Variants in SLC5A4 observed in about 807,000 individuals in gnomAD.
SLC5A4 encodes the protein solute carrier family 5 member 4.
A neutral mutation model predicts 70.3 loss-of-function variants in SLC5A4; 55 were observed. The observed-to-expected ratio is 0.78, with a 90% CI of 0.63 to 0.98. The LOEUF is 0.98. Among genes scored for constraint, SLC5A4 ranks in the 50% least tolerant of loss-of-function variants. The pLI is 0.00. For missense variants in SLC5A4, 735 were observed against 839.2 expected, an observed-to-expected ratio of 0.88 and a Z score of 1.53; for synonymous variants, 268 against 305.7, an observed-to-expected ratio of 0.88 and a Z score of 1.29.
chr22:32,223,989 T>C lies in SLC5A4; in HGVS notation c.1665+278A>G, dbSNP rs564588691. 6.6e-5 allele frequency among the ~76,000 whole-genome samples: 10 copies of C among 152,184 alleles called. No individual in the cohort carries two copies. The South Asian group carries it at 1.0e-3, about 16-fold the overall frequency. On this transcript the variant is annotated intron_variant, in intron 13 of 14. Transcript: ENST00000266086. Reference sequence around the variant, plus strand: ...AGGTTGGAGTGCAGTGGCCCGATCTTGGCTCACTGCAAGCTCCGCCTCCCA... The same window carrying C: ...AGGTTGGAGTGCAGTGGCCCGATCTCGGCTCACTGCAAGCTCCGCCTCCCA...
chr22:32,347,098 G>GA, the SLC5A4 span, among the ~76,000 whole-genome samples: 1 of 152,148 alleles, frequency 6.6e-6, no homozygotes, highest in South Asian at 2.1e-4. Flanking sequence ...AAAGACACAT[G>GA]AAAAAATGCT....
the SLC5A4 span, among the ~76,000 whole-genome samples, chr22:32,277,916 T>C: frequency 4.6e-5 from 7 of 152,314 alleles, no homozygotes; most frequent in Middle Eastern, 3.4e-3. Context: ...ATCTTAAAAT[T>C]GAATTAGGCA....
intron 11 of SLC5A4, among the ~76,000 whole-genome samples, chr22:32,228,180 G>A (rs945780690): frequency 6.6e-6 from 1 of 152,130 alleles, no homozygotes; most frequent in African/African-American, 2.4e-5. Flanking sequence ...TCTCTGAGCT[G>A]TGCATCCATG....
At position 32,230,994 on chromosome 22, in the gene SLC5A4, G is replaced by A. The variant is rs150200210; in HGVS notation, c.1103C>T (p.Thr368Met). The part of the protein sequence containing the change: ...DVGCTNYAYP[T>M]MVLELMPQGL... ...TTGGGGCATCAGTTCCAGCACCATC[G>A]TGGGGTATGCGTAGTTGGTGCAGCC... The change falls in exon 10 of 15, where the codon ACG becomes ATG. Residue 368 changes from threonine to methionine, a missense_variant. Transcript: ENST00000266086. 4.5e-5 allele frequency: 72 copies of A among 1,613,176 alleles called. No homozygotes were observed. Among genetic ancestry groups the A allele is most frequent in the Non-Finnish European group, 4.6e-5 (54 of 1,179,198 alleles).
chr22:32,295,215 T>A, the SLC5A4 span, among the ~76,000 whole-genome samples: 2 of 106,182 alleles, frequency 1.9e-5, 1 homozygote, highest in Non-Finnish European at 4.1e-5. Context: ...GTATTTCTAG[T>A]TCTAGATCCC....
At chr22:32,334,305 G>A in the SLC5A4 span, among the ~76,000 whole-genome samples, 2 of 152,086 alleles carry the variant, frequency 1.3e-5, no homozygotes, top group African/African-American at 4.8e-5. Context: ...GCACGACCCT[G>A]TGCCCAGCCC....
chr22:32,351,000 T>C, the SLC5A4 span, among the ~76,000 whole-genome samples: 1 of 152,212 alleles, frequency 6.6e-6, no homozygotes, highest in East Asian at 1.9e-4. Flanking sequence ...TAGTGAAGCA[T>C]TGTTTTTGGT....
the SLC5A4 span, among the ~76,000 whole-genome samples, chr22:32,334,899 G>A: frequency 5.3e-5 from 8 of 152,206 alleles, no homozygotes; most frequent in Non-Finnish European, 1.2e-4. Flanking sequence ...ATGGAATAGG[G>A]CATTTATGAT....
chr22:32,353,855 C>T, the SLC5A4 span, among the ~76,000 whole-genome samples: 2 of 151,732 alleles, frequency 1.3e-5, no homozygotes, highest in South Asian at 2.1e-4. Flanking sequence ...GGCAGTAATG[C>T]CCTGATATGG....
chr22:32,293,936 ATT>A, the SLC5A4 span, among the ~76,000 whole-genome samples: 7 of 152,082 alleles, frequency 4.6e-5, no homozygotes, highest in Non-Finnish European at 7.4e-5. Flanking sequence ...ATAATATTAT[ATT>A]GTCTTCTAGT....
At chr22:32,223,340 G>A (rs1925198461) in intron 13 of SLC5A4, among the ~76,000 whole-genome samples, 1 of 152,096 alleles carries the variant, frequency 6.6e-6, no homozygotes, top group African/African-American at 2.4e-5. Context: ...GTATTCATAA[G>A]TATTTATCCA....
the SLC5A4 span, among the ~76,000 whole-genome samples, chr22:32,302,274 C>G: frequency 2.1e-5 from 3 of 144,800 alleles, no homozygotes; most frequent in South Asian, 2.2e-4. Context: ...TGTCTAGCTA[C>G]TAGTCCTTTG....
the SLC5A4 span, among the ~76,000 whole-genome samples, chr22:32,293,103 G>GT: frequency 6.6e-6 from 1 of 151,958 alleles, no homozygotes; most frequent in African/African-American, 2.4e-5. Flanking sequence ...TCTGTTTATT[G>GT]TTTGAGTTAG....
the SLC5A4 span, among the ~76,000 whole-genome samples, chr22:32,333,602 T>C: frequency 6.6e-6 from 1 of 152,062 alleles, no homozygotes; most frequent in African/African-American, 2.4e-5. Flanking sequence ...TGCCCTTGCA[T>C]CTCCGTGCTT....
At chr22:32,286,388 A>G in the SLC5A4 span, among the ~76,000 whole-genome samples, 1 of 152,186 alleles carries the variant, frequency 6.6e-6, no homozygotes, top group African/African-American at 2.4e-5. Flanking sequence ...TTTCCATGAC[A>G]TTCACTGCAG....
At chr22:32,343,570 A>G in the SLC5A4 span, among the ~76,000 whole-genome samples, 5 of 152,082 alleles carry the variant, frequency 3.3e-5, no homozygotes, top group African/African-American at 7.2e-5. Context: ...ATAAATCTCT[A>G]TTTCTCTTAG....
chr22:32,242,216 C>T (rs1241152338), intron 5 of SLC5A4, among the ~76,000 whole-genome samples: 3 of 152,112 alleles, frequency 2.0e-5, no homozygotes, highest in African/African-American at 2.4e-5. Context: ...GTTTCTAATA[C>T]CCCTCCCCAC....
At chr22:32,300,627 A>G in the SLC5A4 span, among the ~76,000 whole-genome samples, 70,800 of 149,256 alleles carry the variant, frequency 0.47, 16,938 homozygotes, top group Admixed American at 0.51. Context: ...CTTCTGCGTC[A>G]CTCACGCTGG....
the SLC5A4 span, among the ~76,000 whole-genome samples, chr22:32,264,441 G>A: frequency 6.6e-6 from 1 of 152,012 alleles, no homozygotes; most frequent in Non-Finnish European, 1.5e-5. Context: ...TGGGCATGGT[G>A]GCATGTGCCT....
Sources: gnomAD v4.1 joint callset for allele counts (sites outside exome capture counted in the v4.1 genomes callset) on GRCh38, gnomAD v4.1.1 for gene constraint, MANE v1.5 for transcripts, NCBI Gene and HGNC (gene_info 2026-07-23, HGNC 2026-07-21) for gene names.